SLC25A31: variants seen among roughly 807,000 people sequenced by gnomAD.
SLC25A31 encodes solute carrier family 25 member 31.
A neutral mutation model predicts 36.2 loss-of-function variants in SLC25A31; 40 were observed. That is an observed-to-expected ratio of 1.10 (90% confidence interval 0.86 to 1.44). The LOEUF is 1.44. Ranked by LOEUF, SLC25A31 falls within the 40% of genes most tolerant of loss-of-function variation. The pLI is 0.00. For synonymous variants in SLC25A31, 143 were observed against 149.7 expected (o/e 0.96, Z 0.32); for missense variants, 350 against 397.1 (o/e 0.88, Z 1.01).
At chr4:127,736,944 A>C (rs1032455365) in intron 1 of SLC25A31, among the ~76,000 whole-genome samples, 12 of 152,240 alleles carry the variant, frequency 7.9e-5, no homozygotes, top group Admixed American at 3.9e-4. Context: ...TATGTAGTGC[A>C]TAGCATATCT....
rs748470230 is a variant in SLC25A31, at chr4:127,730,701, G to C, written c.156G>C (p.Ala52=). 2 of 1,613,894 alleles carry C rather than the reference G, an allele frequency of 1.2e-6. No homozygotes were observed. The highest frequency in any genetic ancestry group is 8.5e-7 in the Non-Finnish European group (1 of 1,179,946). ...TGAAGCTGCTGCTGCAGGTGCAGGC[G>C]TCGTCGAAGCAGATCAGCCCCGAGG... ...ERVKLLLQVQ[A]SSKQISPEAR... Residue 52 remains alanine, a synonymous_variant, in exon 1 of 6, where the codon GCG becomes GCC. Transcript: ENST00000281154.
chr4:127,740,425 G>C (rs553849503), intron 1 of SLC25A31, among the ~76,000 whole-genome samples: 8 of 152,112 alleles, frequency 5.3e-5, no homozygotes, highest in South Asian at 2.1e-4. Context: ...ATGTCAGCAG[G>C]TTTTATATTG....
In SLC25A31 at chr4:127,730,521, GC is replaced by G. The variant is rs752109349; in HGVS notation, c.-23del. ...CCCGTACTCATTTTTAGCCACTGCT[GC>G]CGGTTTTTATATCCTTCTCCATCAT... is the stretch of plus-strand genomic sequence containing the variant. On this transcript the variant is annotated 5_prime_UTR_variant, in exon 1 of 6. Coordinates refer to ENST00000281154, the MANE Select transcript of SLC25A31 (RefSeq NM_031291.4). 7 of 1,604,346 alleles carry G rather than the reference GC, an allele frequency of 4.4e-6. No individual in the cohort carries two copies. Among genetic ancestry groups the G allele is most frequent in the Non-Finnish European group, 6.0e-6 (7 of 1,171,854 alleles).
At chr4:127,747,240 A>G (rs573273401) in intron 2 of SLC25A31, among the ~76,000 whole-genome samples, 1 of 151,972 alleles carries the variant, frequency 6.6e-6, no homozygotes, top group African/African-American at 2.4e-5. Flanking sequence ...TTGTTTGGCT[A>G]TTCGGGCTCT....
At chr4:127,738,157 C>T (rs985693766) in intron 1 of SLC25A31, among the ~76,000 whole-genome samples, 1 of 152,184 alleles carries the variant, frequency 6.6e-6, no homozygotes, top group African/African-American at 2.4e-5. Flanking sequence ...CAGCCTTGGC[C>T]TCCCAGAGTC....
chr4:127,742,708 C>T (rs1903104), intron 1 of SLC25A31, among the ~76,000 whole-genome samples: 107,203 of 152,108 alleles, frequency 0.7, 38,190 homozygotes, highest in Middle Eastern at 0.8. Context: ...TTTGTTCTTT[C>T]TCTAGCTCCT....
chr4:127,754,443 A>C (rs1731992355), intron 2 of SLC25A31, among the ~76,000 whole-genome samples: 1 of 152,192 alleles, frequency 6.6e-6, no homozygotes, highest in Non-Finnish European at 1.5e-5. Context: ...GTAAAGTCAC[A>C]GGATACAAAA....
At chr4:127,732,084 C>T (rs1731537559) in intron 1 of SLC25A31, among the ~76,000 whole-genome samples, 1 of 152,166 alleles carries the variant, frequency 6.6e-6, no homozygotes, top group Non-Finnish European at 1.5e-5. Context: ...ATAAGTCTAT[C>T]AGATATTTTA....
chr4:127,735,378 C>T (rs550483648), intron 1 of SLC25A31, among the ~76,000 whole-genome samples: 19 of 152,274 alleles, frequency 1.2e-4, no homozygotes, highest in African/African-American at 4.6e-4. Flanking sequence ...TTTAACTTTG[C>T]TCTAATATCA....
rs1473573718 is a variant in SLC25A31 at position 127,730,733 on chromosome 4, A to G, written c.188A>G (p.Tyr63Cys). Reference sequence around the variant, plus strand: ...AAGCAGATCAGCCCCGAGGCGCGGTACAAAGGCATGGTGGACTGCCTGGTG... The same window carrying G: ...AAGCAGATCAGCCCCGAGGCGCGGTGCAAAGGCATGGTGGACTGCCTGGTG... ...SSKQISPEAR[Y>C]KGMVDCLVRI... The change falls in exon 1 of 6, where the codon TAC becomes TGC. Residue 63 changes from tyrosine to cysteine, a missense_variant. Tyr to Cys is a radical substitution (Grantham distance 194). Transcript: ENST00000281154. The G allele has an allele frequency of 3.7e-6, 6 of 1,613,728 alleles. No individual in the cohort carries two copies. The highest frequency in any genetic ancestry group is 5.1e-6 in the Non-Finnish European group (6 of 1,179,906).
chr4:127,742,997 T>A (rs1731758958), intron 1 of SLC25A31, among the ~76,000 whole-genome samples: 1 of 152,132 alleles, frequency 6.6e-6, no homozygotes, highest in South Asian at 2.1e-4. Flanking sequence ...TCATCTATTA[T>A]AATTTTAGAA....
chr4:127,732,304 A>G (rs1253470170), intron 1 of SLC25A31, among the ~76,000 whole-genome samples: 1 of 152,224 alleles, frequency 6.6e-6, no homozygotes, highest in Non-Finnish European at 1.5e-5. Flanking sequence ...CAACTCTTCC[A>G]GACCTGTGGC....
intron 1 of SLC25A31, among the ~76,000 whole-genome samples, chr4:127,737,963 C>T (rs949784141): frequency 6.6e-6 from 1 of 151,844 alleles, no homozygotes; most frequent in South Asian, 2.1e-4. Context: ...ATATCTCATA[C>T]CAGTCAGCTG....
intron 1 of SLC25A31, among the ~76,000 whole-genome samples, chr4:127,733,543 C>T (rs919311967): frequency 1.3e-5 from 2 of 152,108 alleles, no homozygotes; most frequent in Admixed American, 6.5e-5. Context: ...ATTTATTTGA[C>T]GTATTTCAAA....
intron 2 of SLC25A31, among the ~76,000 whole-genome samples, chr4:127,759,062 A>C (rs2148761538): frequency 6.6e-6 from 1 of 152,288 alleles, no homozygotes; most frequent in South Asian, 2.1e-4. Context: ...TGCTTTGGGC[A>C]GTATGGTCAT....
intron 2 of SLC25A31, among the ~76,000 whole-genome samples, chr4:127,761,654 C>T (rs1732131394): frequency 6.6e-6 from 1 of 152,008 alleles, no homozygotes; most frequent in Admixed American, 6.6e-5. Context: ...CATAGTAATC[C>T]TTTTTGGCCT....
intron 5 of SLC25A31, among the ~76,000 whole-genome samples, chr4:127,769,290 T>G (rs538694976): frequency 6.6e-6 from 1 of 152,334 alleles, no homozygotes; most frequent in East Asian, 1.9e-4. Flanking sequence ...AAAAACTTGT[T>G]TGTCATGATG....
chr4:127,742,970 C>CT (rs1731758602), intron 1 of SLC25A31, among the ~76,000 whole-genome samples: 2 of 151,780 alleles, frequency 1.3e-5, no homozygotes, highest in African/African-American at 4.8e-5. Flanking sequence ...ACAGCAGTTT[C>CT]TTTTTTTAAT....
rs142045594 is a variant in SLC25A31, at chr4:127,764,772, T to G, written c.478+412T>G. The stretch of plus-strand genomic sequence containing the variant: ...CCCTTTTTTGTTATTACACCCTTGT[T>G]TTTTGGTAGAGTATATTCTTTGGTA... On this transcript the variant is annotated intron_variant, in intron 3 of 5. Coordinates refer to ENST00000281154, the MANE Select transcript of SLC25A31 (RefSeq NM_031291.4). Among the ~76,000 whole-genome samples the G allele has an allele frequency of 9.2e-5, 14 of 152,254 alleles. No homozygotes were observed. In the East Asian group the frequency reaches 2.7e-3, roughly 29 times the overall value.
Sources: gnomAD v4.1 joint callset for allele counts (sites outside exome capture counted in the v4.1 genomes callset) on GRCh38, gnomAD v4.1.1 for gene constraint, MANE v1.5 for transcripts, NCBI Gene and HGNC (gene_info 2026-07-23, HGNC 2026-07-21) for gene names.